FBXO11: variants seen among roughly 807,000 people sequenced by gnomAD.
FBXO11 encodes the protein F-box only protein 11.
FBXO11 carries 13 observed loss-of-function variants against 117.0 expected under a neutral mutation model. The ratio of observed to expected loss-of-function variants is 0.11; its 90% confidence interval spans 0.07 to 0.18. FBXO11 has a LOEUF of 0.18. FBXO11 is among the 10% of genes least tolerant of loss of function. The probability of loss-of-function intolerance (pLI) is 1.00; values close to 1 mark genes in which losing one functional copy is unlikely to be tolerated. For synonymous variants in FBXO11, 490 were observed against 380.5 expected (o/e 1.29, Z -3.35); for missense variants, 767 against 1,164.4 (o/e 0.66, Z 4.97).
chr2:47,829,682 G>A (rs1672036516), intron 11 of FBXO11, among the ~76,000 whole-genome samples: 2 of 151,982 alleles, frequency 1.3e-5, no homozygotes, highest in Non-Finnish European at 2.9e-5. Context: ...TTATTGAGGA[G>A]TGGATTAGCA....
chr2:47,904,429 G>C (rs1470298602), intron 1 of FBXO11, among the ~76,000 whole-genome samples: 3 of 152,184 alleles, frequency 2.0e-5, no homozygotes, highest in Admixed American at 6.5e-5. Flanking sequence ...CATCCAAGTA[G>C]AACTGAACAT....
chr2:47,863,069 A>C (rs1040570438), intron 1 of FBXO11, among the ~76,000 whole-genome samples: 4 of 131,166 alleles, frequency 3.0e-5, no homozygotes, highest in South Asian at 2.1e-4. Context: ...AAAAAAAAAA[A>C]AACAAAAAAA....
At chr2:47,847,806 TAGAC>T (rs2104928514) in intron 1 of FBXO11, among the ~76,000 whole-genome samples, 1 of 152,022 alleles carries the variant, frequency 6.6e-6, no homozygotes, top group African/African-American at 2.4e-5. Context: ...GTGACTGTGT[TAGAC>T]AGACTGTGTG....
At chr2:47,890,590 G>T (rs755547054) in intron 1 of FBXO11, among the ~76,000 whole-genome samples, 1 of 151,976 alleles carries the variant, frequency 6.6e-6, no homozygotes, top group Non-Finnish European at 1.5e-5. Flanking sequence ...GACCACCTGA[G>T]GTCAGGAGTT....
intron 1 of FBXO11, among the ~76,000 whole-genome samples, chr2:47,898,819 G>A (rs1051409269): frequency 1.8e-4 from 28 of 152,096 alleles, no homozygotes; most frequent in African/African-American, 6.3e-4. Flanking sequence ...CAAACATTCT[G>A]CCAAATGTAT....
At chr2:47,850,675 CCAAAGTT>C (rs1444642733) in intron 1 of FBXO11, among the ~76,000 whole-genome samples, 1 of 152,104 alleles carries the variant, frequency 6.6e-6, no homozygotes, top group Non-Finnish European at 1.5e-5. Context: ...CCAGAATTGA[CCAAAGTT>C]CATAACTTTA....
intron 4 of FBXO11, 98 bp downstream of exon 4, chr2:47,838,761 G>T (rs1452364401): frequency 1.8e-6 from 2 of 1,091,274 alleles, no homozygotes; most frequent in South Asian, 1.7e-5. Flanking sequence ...CCAACTAATT[G>T]TAACTACCAA....
chr2:47,876,657 C>A (rs934928379), intron 1 of FBXO11, among the ~76,000 whole-genome samples: 3 of 151,888 alleles, frequency 2.0e-5, no homozygotes, highest in Non-Finnish European at 4.4e-5. Flanking sequence ...TGGCATTTTT[C>A]ATTTTGAAAA....
At chr2:47,900,860 GTATACACACACACGTGTATA>G (rs1343639759) in intron 1 of FBXO11, among the ~76,000 whole-genome samples, 5 of 83,216 alleles carry the variant, frequency 6.0e-5, no homozygotes, top group African/African-American at 2.2e-4. Context: ...ATATATACAC[GTATACACACACACGTGTATA>G]TATATACACG....
Position 47,860,687 on chromosome 2 carries a change from G to A in FBXO11, c.233-20918C>T, listed in dbSNP as rs538789855. Among the ~76,000 whole-genome samples the A allele has an allele frequency of 7.3e-3, 1,092 of 149,088 alleles. 5 individuals are homozygous for A. Among genetic ancestry groups the A allele is most frequent in the Non-Finnish European group, 0.011 (721 of 66,972 alleles). On this transcript the variant is annotated intron_variant, in intron 1 of 22. Transcript: ENST00000403359. ...CTCCCAAAGTGCTAGAATTACATGC[G>A]TGAGCCACCACGCCCAGCCTACCCT...
intron 1 of FBXO11, 109 bp downstream of exon 1, chr2:47,905,376 TCCCA>T: frequency 9.7e-7 from 1 of 1,031,826 alleles, no homozygotes; most frequent in Non-Finnish European, 1.2e-6. Context: ...AGCTTGGGTC[TCCCA>T]CCCCCAGGGC....
chr2:47,863,365 ATACTT>A (rs1674935957), intron 1 of FBXO11, among the ~76,000 whole-genome samples: 1 of 152,242 alleles, frequency 6.6e-6, no homozygotes, highest in Non-Finnish European at 1.5e-5. Context: ...AAATAAAAAT[ATACTT>A]TAATGTCTAC....
intron 1 of FBXO11, among the ~76,000 whole-genome samples, chr2:47,846,865 G>A (rs1268815643): frequency 1.3e-5 from 2 of 152,112 alleles, no homozygotes; most frequent in South Asian, 2.1e-4. Flanking sequence ...CATATTTCAA[G>A]TGCTCAAAAG....
intron 1 of FBXO11, among the ~76,000 whole-genome samples, chr2:47,853,762 T>C (rs111265961): frequency 0.014 from 2,085 of 152,272 alleles, 34 homozygotes; most frequent in African/African-American, 0.045. Context: ...CTCTCAACAT[T>C]AGCTATCATC....
At chr2:47,837,909 T>C (rs114618146) in intron 4 of FBXO11, among the ~76,000 whole-genome samples, 1,914 of 152,022 alleles carry the variant, frequency 0.013, 30 homozygotes, top group African/African-American at 0.041. Context: ...TTTCACTTTT[T>C]ATAACAGCAT....
chr2:47,900,736 A>G (rs539651616), intron 1 of FBXO11, among the ~76,000 whole-genome samples: 1 of 117,046 alleles, frequency 8.5e-6, no homozygotes, highest in Non-Finnish European at 1.8e-5. Context: ...ACACACGTGT[A>G]TATATATACA....
At chr2:47,900,533 A>G (rs1422260580) in intron 1 of FBXO11, among the ~76,000 whole-genome samples, 1 of 135,516 alleles carries the variant, frequency 7.4e-6, no homozygotes, top group Admixed American at 7.1e-5. Context: ...TCATCAGTAC[A>G]GTGTCGAGAA....
chr2:47,885,390 C>G (rs374386303), intron 1 of FBXO11, among the ~76,000 whole-genome samples: 7 of 152,140 alleles, frequency 4.6e-5, no homozygotes, highest in East Asian at 3.9e-4. Context: ...GTCAGGAGTT[C>G]GAGACCAGTC....
chr2:47,894,213 ACCAGGAACGGAAAGGT>A lies in FBXO11; in HGVS notation c.232+11260_232+11275del, dbSNP rs527800016. Reference sequence around the variant, plus strand: ...GCACTTTTTCACCTTCCTCCTATACACCAGGAACGGAAAGGTCCAGTCAAGGACCAGAAAAACATCT... The same window carrying A: ...GCACTTTTTCACCTTCCTCCTATACACCAGTCAAGGACCAGAAAAACATCT... On this transcript the variant is annotated intron_variant, in intron 1 of 22. Transcript: ENST00000403359. Among the ~76,000 whole-genome samples, 185 of 152,244 alleles carry A rather than the reference ACCAGGAACGGAAAGGT, an allele frequency of 1.2e-3. 1 individual carries two copies. Among genetic ancestry groups the A allele is most frequent in the African/African-American group, 4.2e-3 (176 of 41,556 alleles).
Sources: gnomAD v4.1 joint callset for allele counts (sites outside exome capture counted in the v4.1 genomes callset) on GRCh38, gnomAD v4.1.1 for gene constraint, MANE v1.5 for transcripts, NCBI Gene and HGNC (gene_info 2026-07-23, HGNC 2026-07-21) for gene names.